The following CLEC2A variants were observed in gnomAD, a reference collection of about 807,000 sequenced individuals.
The protein encoded by CLEC2A is C-type lectin domain family 2 member A.
A neutral mutation model predicts 18.6 loss-of-function variants in CLEC2A; 19 were observed. The observed-to-expected ratio is 1.02, with a 90% CI of 0.71 to 1.50. The LOEUF is 1.50. Ranked by LOEUF, CLEC2A falls within the 40% of genes most tolerant of loss-of-function variation. The probability of loss-of-function intolerance (pLI) is 0.00; values close to 1 mark genes in which losing one functional copy is unlikely to be tolerated. For missense variants in CLEC2A, 190 were observed against 207.9 expected, an observed-to-expected ratio of 0.91 and a Z score of 0.53; for synonymous variants, 74 against 64.0, an observed-to-expected ratio of 1.16 and a Z score of -0.75.
At chr12:9,894,168 T>C (rs1862726546), downstream of CLEC2A, among the ~76,000 whole-genome samples, 1 of 146,646 alleles carries the variant, frequency 6.8e-6, no homozygotes, top group South Asian at 2.2e-4. Context: ...CCCTTCCTTC[T>C]TTGTTTCTTT....
At chr12:9,884,178 G>A in the CLEC2A span, among the ~76,000 whole-genome samples, 1 of 151,970 alleles carries the variant, frequency 6.6e-6, no homozygotes, top group African/African-American at 2.4e-5. Flanking sequence ...ATTGAAAGAG[G>A]ATTATTATAC....
chr12:9,898,634 C>G (rs1009524291), downstream of CLEC2A: 1 of 373,414 alleles, frequency 2.7e-6, no homozygotes, highest in Non-Finnish European at 4.8e-6. Flanking sequence ...ATAAATGGAA[C>G]AGCTATGTCC....
chr12:9,901,325 A>G (rs1457967201), intron 4 of CLEC2A, among the ~76,000 whole-genome samples: 1 of 152,186 alleles, frequency 6.6e-6, no homozygotes, highest in Admixed American at 6.5e-5. Context: ...AAGGATTAAA[A>G]CAAGACAACA....
intron 2 of CLEC2A, among the ~76,000 whole-genome samples, chr12:9,924,672 A>G (rs1195679315): frequency 2.6e-5 from 4 of 152,206 alleles, no homozygotes; most frequent in Admixed American, 2.6e-4. Context: ...AAATATTGCA[A>G]TTCCAATGAG....
At chr12:9,887,888 A>T in the CLEC2A span, among the ~76,000 whole-genome samples, 1 of 151,500 alleles carries the variant, frequency 6.6e-6, no homozygotes, top group Admixed American at 6.6e-5. Flanking sequence ...CCCGTCCCTA[A>T]TAAAAAAATA....
At chr12:9,911,399 T>C (rs1188875371), downstream of CLEC2A, among the ~76,000 whole-genome samples, 1 of 152,156 alleles carries the variant, frequency 6.6e-6, no homozygotes, top group Non-Finnish European at 1.5e-5. Flanking sequence ...GAGGAATTTA[T>C]CCTCTCTGGC....
the CLEC2A span, chr12:9,892,991 A>C: frequency 7.1e-3 from 10,619 of 1,503,738 alleles, 128 homozygotes; most frequent in Middle Eastern, 0.041. Context: ...TGTAAAGTTT[A>C]ATTAATTTTC....
At chr12:9,895,778 A>T, downstream of CLEC2A, 1 of 1,535,802 alleles carries the variant, frequency 6.5e-7, no homozygotes, top group Non-Finnish European at 8.7e-7. Context: ...TCCACATTTA[A>T]GGGCATTTGC....
At chr12:9,923,930 G>C (rs1052440465) in intron 2 of CLEC2A, among the ~76,000 whole-genome samples, 26 of 151,960 alleles carry the variant, frequency 1.7e-4, no homozygotes, top group African/African-American at 6.1e-4. Context: ...GTGATGTTGG[G>C]GTTGGGGGAG....
chr12:9,903,798 A>G (rs113055993), intron 4 of CLEC2A, among the ~76,000 whole-genome samples: 229 of 152,316 alleles, frequency 1.5e-3, no homozygotes, highest in African/African-American at 5.4e-3. Flanking sequence ...AAACCCAGCA[A>G]TTATTTGATT....
At chr12:9,897,663 G>T (rs897143739), downstream of CLEC2A, among the ~76,000 whole-genome samples, 3 of 151,806 alleles carry the variant, frequency 2.0e-5, no homozygotes, top group African/African-American at 4.8e-5. Flanking sequence ...GGCTCCTCCT[G>T]CCCGCATAAG....
the CLEC2A span, among the ~76,000 whole-genome samples, chr12:9,892,529 C>T: frequency 4.0e-5 from 6 of 151,476 alleles, no homozygotes; most frequent in South Asian, 2.1e-4. Context: ...AAACCCTGCC[C>T]GACTCCTGGA....
chr12:9,913,262 T>A lies in CLEC2A; in HGVS notation c.*304A>T, dbSNP rs1863014732. On this transcript the variant is annotated 3_prime_UTR_variant, in exon 5 of 5. Coordinates refer to ENST00000455827, the MANE Select transcript of CLEC2A (RefSeq NM_001130711.2). ...AGTATTTGGGTCCTCCCAAAACTCATAAATTGAAAGCTAATCACCAGTGTG... is the reference window on the plus strand; with the variant it reads ...AGTATTTGGGTCCTCCCAAAACTCAAAAATTGAAAGCTAATCACCAGTGTG... The A allele has an allele frequency of 6.4e-6, 2 of 314,826 alleles. No homozygotes were observed. The highest frequency in any genetic ancestry group is 1.8e-4 in the South Asian group (2 of 11,350). 19.5% of individuals were successfully genotyped at this position (314,826 alleles called of 1,614,324 possible). A position where few individuals can be genotyped will look rare whatever the true frequency, so the allele number is the denominator to read the frequency against.
chr12:9,893,375 G>T, the CLEC2A span: 1 of 898,334 alleles, frequency 1.1e-6, no homozygotes, highest in Non-Finnish European at 1.7e-6. Context: ...ACTATAGAAG[G>T]CATCAAAATT....
intron 2 of CLEC2A, among the ~76,000 whole-genome samples, chr12:9,923,900 C>T (rs149074982): frequency 0.012 from 1,838 of 149,654 alleles, 49 homozygotes; most frequent in African/African-American, 0.042. Context: ...GACACAGGGA[C>T]GGGAATATCA....
chr12:9,891,408 T>C, the CLEC2A span, among the ~76,000 whole-genome samples: 1,959 of 152,328 alleles, frequency 0.013, 52 homozygotes, highest in African/African-American at 0.045. Context: ...CATCTTCTGG[T>C]GTTTTACAAT....
At chr12:9,881,715 AG>A in the CLEC2A span, 5 of 1,250,032 alleles carry the variant, frequency 4.0e-6, no homozygotes, top group South Asian at 2.6e-5. Context: ...TTATTCTTCT[AG>A]GAAGAGAATT....
At chr12:9,893,570 C>A in the CLEC2A span, 1 of 847,608 alleles carries the variant, frequency 1.2e-6, no homozygotes, top group Admixed American at 2.5e-5. Flanking sequence ...GGGAGGGGTG[C>A]TAATGTTTAT....
At chr12:9,898,329 G>A, downstream of CLEC2A, among the ~76,000 whole-genome samples, 1 of 152,176 alleles carries the variant, frequency 6.6e-6, no homozygotes, top group Non-Finnish European at 1.5e-5. Flanking sequence ...ACCCTCAAGT[G>A]AGGAACAGAA....
Sources: gnomAD v4.1 joint callset for allele counts (sites outside exome capture counted in the v4.1 genomes callset) on GRCh38, gnomAD v4.1.1 for gene constraint, MANE v1.5 for transcripts, NCBI Gene and HGNC (gene_info 2026-07-23, HGNC 2026-07-21) for gene names.